Variants in EIF4G3 observed in about 807,000 individuals in gnomAD.
EIF4G3 encodes eukaryotic translation initiation factor 4 gamma 3, also known as eIF-4-gamma 3.
EIF4G3 carries 34 observed loss-of-function variants against 186.4 expected under a neutral mutation model. That is an observed-to-expected ratio of 0.18 (90% confidence interval 0.14 to 0.24). EIF4G3 has a LOEUF of 0.24. EIF4G3 is among the 10% of genes least tolerant of loss of function. The pLI, the probability that EIF4G3 is intolerant of heterozygous loss-of-function variation, is 1.00. For synonymous variants in EIF4G3, 673 were observed against 679.5 expected (o/e 0.99, Z 0.15); for missense variants, 1,536 against 1,948.5 (o/e 0.79, Z 3.99).
chr1:20,931,498 A>G (rs2095307970), intron 14 of EIF4G3, among the ~76,000 whole-genome samples: 1 of 152,190 alleles, frequency 6.6e-6, no homozygotes, highest in African/African-American at 2.4e-5. Context: ...TAAGGGCCTT[A>G]GGACTTTCCA....
At chr1:20,906,617 A>G (rs1156730515) in intron 14 of EIF4G3, among the ~76,000 whole-genome samples, 1 of 152,178 alleles carries the variant, frequency 6.6e-6, no homozygotes, top group East Asian at 1.9e-4. Context: ...CATGAAACAA[A>G]ATATTTCTTC....
chr1:21,025,672 A>G (rs1223674529), intron 4 of EIF4G3, among the ~76,000 whole-genome samples: 1 of 152,212 alleles, frequency 6.6e-6, no homozygotes, highest in African/African-American at 2.4e-5. Flanking sequence ...TCTCTCAAAT[A>G]TATCAACTTT....
At chr1:21,167,246 A>C (rs2103022164) in intron 2 of EIF4G3, among the ~76,000 whole-genome samples, 1 of 152,258 alleles carries the variant, frequency 6.6e-6, no homozygotes, top group Admixed American at 6.5e-5. Flanking sequence ...ATTCCCACTT[A>C]ATTTTCTCTC....
chr1:20,938,488 G>A (rs2095592930), intron 14 of EIF4G3, among the ~76,000 whole-genome samples: 1 of 152,072 alleles, frequency 6.6e-6, no homozygotes, highest in Non-Finnish European at 1.5e-5. Context: ...TCATCCTCAG[G>A]CAGAGACAAG....
intron 2 of EIF4G3, among the ~76,000 whole-genome samples, chr1:21,144,476 C>T (rs1558168517): frequency 1.3e-5 from 2 of 151,378 alleles, no homozygotes; most frequent in Non-Finnish European, 2.9e-5. Flanking sequence ...AGGCTGGTCT[C>T]AAACTCCTGG....
intron 2 of EIF4G3, among the ~76,000 whole-genome samples, chr1:21,115,600 T>C (rs1250602256): frequency 6.6e-6 from 1 of 152,188 alleles, no homozygotes; most frequent in Non-Finnish European, 1.5e-5. Context: ...CTGTATAAGA[T>C]TGTTTCTTCA....
At chr1:21,036,390 A>T (rs1307085630) in intron 4 of EIF4G3, among the ~76,000 whole-genome samples, 1 of 152,166 alleles carries the variant, frequency 6.6e-6, no homozygotes, top group African/African-American at 2.4e-5. Context: ...ACAAGAACTC[A>T]GGCAAAGGTG....
chr1:21,083,939 C>A (rs2095873438), intron 3 of EIF4G3, among the ~76,000 whole-genome samples: 1 of 152,128 alleles, frequency 6.6e-6, no homozygotes, highest in African/African-American at 2.4e-5. Context: ...ATCTACGACA[C>A]CACCTTTACT....
chr1:21,163,838 C>T (rs2097804789), intron 2 of EIF4G3, among the ~76,000 whole-genome samples: 1 of 152,162 alleles, frequency 6.6e-6, no homozygotes, highest in East Asian at 1.9e-4. Context: ...GTGGCGTGAT[C>T]TCAGCTCACC....
intron 30 of EIF4G3, among the ~76,000 whole-genome samples, chr1:20,838,613 T>C (rs2067464075): frequency 6.6e-6 from 1 of 152,202 alleles, no homozygotes; most frequent in African/African-American, 2.4e-5. Context: ...ACAGCAACTT[T>C]TGCCAAAGTG....
intron 33 of EIF4G3, among the ~76,000 whole-genome samples, chr1:20,822,113 T>C (rs1180967504): frequency 6.6e-6 from 1 of 152,110 alleles, no homozygotes; most frequent in African/African-American, 2.4e-5. Flanking sequence ...CCTGACCTCG[T>C]GATCCGCCCG....
rs2059061905 is a variant in EIF4G3 at position 20,810,632 on chromosome 1, G to A, written c.4744+106C>T. On this transcript the variant is annotated intron_variant, in intron 36 of 36. Transcript: ENST00000602326. This position sits in a 1 kb window ranked among gnomAD's most constrained non-coding sequence, Gnocchi z 4.1. The stretch of plus-strand genomic sequence containing the variant: ...TTAGTTATATGAGTTTGTGTTATTA[G>A]TGATTCTTTTATTGTCCTTTGTTCG... The A allele has an allele frequency of 4.6e-6, 6 of 1,302,962 alleles. No homozygotes were observed. Among genetic ancestry groups the A allele is most frequent in the Non-Finnish European group, 6.4e-6 (6 of 930,692 alleles). 80.7% of individuals were successfully genotyped at this position (1,302,962 alleles called of 1,614,324 possible).
chr1:21,088,268 A>T (rs1000964268), intron 3 of EIF4G3, among the ~76,000 whole-genome samples: 6 of 151,594 alleles, frequency 4.0e-5, no homozygotes, highest in Non-Finnish European at 8.8e-5. Context: ...TAAAAGAACA[A>T]AATTAGCAGG....
chr1:21,025,364 G>C (rs2091908321), intron 4 of EIF4G3, among the ~76,000 whole-genome samples: 1 of 152,096 alleles, frequency 6.6e-6, no homozygotes, highest in African/African-American at 2.4e-5. Context: ...GAAGATACTG[G>C]TGTCAAGATA....
chr1:20,822,557 G>C (rs1248186918), intron 33 of EIF4G3, among the ~76,000 whole-genome samples: 2 of 148,796 alleles, frequency 1.3e-5, no homozygotes, highest in Non-Finnish European at 3.0e-5. Context: ...CTATTTGCTT[G>C]GAGCTTCATT....
chr1:21,023,421 G>A (rs1184936929), intron 4 of EIF4G3, among the ~76,000 whole-genome samples: 8 of 151,776 alleles, frequency 5.3e-5, no homozygotes, highest in East Asian at 3.9e-4. Flanking sequence ...GGCACGCGCC[G>A]CCATGCCTGA....
At chr1:20,969,014 T>C (rs1410322295) in intron 12 of EIF4G3, among the ~76,000 whole-genome samples, 1 of 152,220 alleles carries the variant, frequency 6.6e-6, no homozygotes, top group Non-Finnish European at 1.5e-5. Flanking sequence ...AGTATACCTG[T>C]TATACATCCT....
chr1:20,953,464 G>C (rs1486456513), intron 12 of EIF4G3, among the ~76,000 whole-genome samples: 1 of 152,144 alleles, frequency 6.6e-6, no homozygotes, highest in African/African-American at 2.4e-5. Context: ...TAAATTTAAA[G>C]TATTGACCTC....
At chr1:21,058,175 G>A (rs2094657023) in intron 3 of EIF4G3, among the ~76,000 whole-genome samples, 1 of 152,068 alleles carries the variant, frequency 6.6e-6, no homozygotes, top group Non-Finnish European at 1.5e-5. Flanking sequence ...CAGAGCAAGA[G>A]AAATACCCCC....
Sources: gnomAD v4.1 joint callset for allele counts (sites outside exome capture counted in the v4.1 genomes callset) on GRCh38, gnomAD v4.1.1 for gene constraint, Gnocchi (gnomAD v3.1) non-coding constraint, MANE v1.5 for transcripts, NCBI Gene and HGNC (gene_info 2026-07-23, HGNC 2026-07-21) for gene names.